Variants in SLC44A1 observed in about 807,000 individuals in gnomAD.
SLC44A1 encodes the protein solute carrier family 44 member 1.
SLC44A1 carries 26 observed loss-of-function variants against 79.3 expected under a neutral mutation model. The observed-to-expected ratio is 0.33, with a 90% confidence interval of 0.24 to 0.46. SLC44A1 has a LOEUF of 0.46. SLC44A1 is among the 20% of genes least tolerant of loss of function. The pLI, the probability that SLC44A1 is intolerant of heterozygous loss-of-function variation, is 1.00. For synonymous variants in SLC44A1, 263 were observed against 286.2 expected, an observed-to-expected ratio of 0.92 and a Z score of 0.82; for missense variants, 688 against 798.1, an observed-to-expected ratio of 0.86 and a Z score of 1.66.
intron 2 of SLC44A1, among the ~76,000 whole-genome samples, chr9:105,306,257 T>C (rs915616827): frequency 6.6e-6 from 1 of 152,192 alleles, no homozygotes; most frequent in African/African-American, 2.4e-5. Flanking sequence ...GCTTCATTAA[T>C]GTGATTTTTC....
intron 7 of SLC44A1, 93 bp from the exon 8 acceptor site, chr9:105,361,098 T>G: frequency 8.1e-7 from 1 of 1,228,726 alleles, no homozygotes; most frequent in Non-Finnish European, 1.2e-6. Context: ...AGTCCCATGA[T>G]GATCTGTAGG....
intron 3 of SLC44A1, among the ~76,000 whole-genome samples, chr9:105,325,667 A>G (rs757469343): frequency 3.3e-5 from 5 of 152,164 alleles, no homozygotes; most frequent in African/African-American, 9.7e-5. Flanking sequence ...TCATAATCCA[A>G]TCACCTCTTA....
chr9:105,426,777 G>A (rs1829327414), intron 15 of SLC44A1, among the ~76,000 whole-genome samples: 2 of 152,104 alleles, frequency 1.3e-5, no homozygotes, highest in Non-Finnish European at 2.9e-5. Context: ...TTATACACAG[G>A]TGAATTGAAT....
intron 3 of SLC44A1, among the ~76,000 whole-genome samples, chr9:105,324,179 G>T (rs1247961023): frequency 6.6e-6 from 1 of 150,626 alleles, no homozygotes; most frequent in East Asian, 2.0e-4. Flanking sequence ...TTTTTTGTAT[G>T]TGTTAGCCAG....
chr9:105,297,792 A>G (rs763118707), intron 1 of SLC44A1, among the ~76,000 whole-genome samples: 1 of 152,140 alleles, frequency 6.6e-6, no homozygotes, highest in Non-Finnish European at 1.5e-5. Flanking sequence ...GTTGCACTCT[A>G]TATATACTAA....
At chr9:105,293,130 C>A (rs1830641935) in intron 1 of SLC44A1, among the ~76,000 whole-genome samples, 1 of 152,124 alleles carries the variant, frequency 6.6e-6, no homozygotes, top group African/African-American at 2.4e-5. Context: ...GCACTCCAGC[C>A]TGGGTGAGTG....
intron 1 of SLC44A1, among the ~76,000 whole-genome samples, chr9:105,246,566 T>A (rs1186343351): frequency 6.6e-6 from 1 of 152,178 alleles, no homozygotes. Flanking sequence ...AGGTGTAGAA[T>A]TGCACATAAC....
In SLC44A1 at chr9:105,396,220, G is replaced by C. The variant is rs1312662865; in HGVS notation, c.*7164G>C. On this transcript the variant is annotated 3_prime_UTR_variant, in exon 16 of 16. Coordinates refer to ENST00000374720, the MANE Select transcript of SLC44A1 (RefSeq NM_080546.5). ...TGAGAGCTCCATAATGAAAGAAGTTGTTATACTTTCTCAGAATATTCTGGA... is the reference window on the plus strand; with the variant it reads ...TGAGAGCTCCATAATGAAAGAAGTTCTTATACTTTCTCAGAATATTCTGGA... The C allele has an allele frequency of 3.0e-6, 3 of 984,904 alleles. No individual in the cohort carries two copies. Among genetic ancestry groups the C allele is most frequent in the African/African-American group, 1.7e-5 (1 of 57,208 alleles). The allele number at this position is 984,904 out of a possible 1,614,324, so 61.0% of individuals were successfully genotyped here.
chr9:105,306,534 A>T, intron 2 of SLC44A1, among the ~76,000 whole-genome samples: 1 of 150,776 alleles, frequency 6.6e-6, no homozygotes, highest in African/African-American at 2.4e-5. Flanking sequence ...CCATCTTATT[A>T]GCTTATTATT....
Position 105,396,046 on chromosome 9 carries a change from G to A in SLC44A1, c.*6990G>A, listed in dbSNP as rs907494036. The A allele has an allele frequency of 2.0e-6, 2 of 985,274 alleles. No individual in the cohort carries two copies. The highest frequency in any genetic ancestry group is 3.5e-5 in the African/African-American group (2 of 57,310). 61.0% of individuals were successfully genotyped at this position (985,274 alleles called of 1,614,324 possible). On this transcript the variant is annotated 3_prime_UTR_variant, in exon 16 of 16. Coordinates refer to ENST00000374720, the MANE Select transcript of SLC44A1 (RefSeq NM_080546.5). ...TTCCTGTAGTCTGTGCTCAGAACTT[G>A]GTTTTTGGCCCCTATTGTTTTTGCC...
chr9:105,419,852 A>T (rs557573121), intron 15 of SLC44A1, among the ~76,000 whole-genome samples: 5 of 147,434 alleles, frequency 3.4e-5, no homozygotes, highest in African/African-American at 1.3e-4. Flanking sequence ...AGTCAGAGGT[A>T]GCAGTGAGCC....
intron 4 of SLC44A1, among the ~76,000 whole-genome samples, chr9:105,345,975 T>G (rs1380159603): frequency 6.7e-6 from 1 of 150,350 alleles, no homozygotes; most frequent in East Asian, 1.9e-4. Flanking sequence ...GTGCTAAGTA[T>G]TTTTTATACT....
At chr9:105,336,035 A>G (rs1158243658) in intron 4 of SLC44A1, among the ~76,000 whole-genome samples, 4 of 152,082 alleles carry the variant, frequency 2.6e-5, no homozygotes, top group African/African-American at 9.7e-5. Context: ...CCCCCTTCCC[A>G]AGTATTGGTT....
At chr9:105,399,370 C>A (rs534465239), downstream of SLC44A1, among the ~76,000 whole-genome samples, 47 of 152,324 alleles carry the variant, frequency 3.1e-4, no homozygotes, top group Non-Finnish European at 6.0e-4. Flanking sequence ...CAGTCAATCT[C>A]AGGTTGCATC....
chr9:105,363,644 T>C (rs1383648077), intron 9 of SLC44A1, among the ~76,000 whole-genome samples: 1 of 151,972 alleles, frequency 6.6e-6, no homozygotes, highest in African/African-American at 2.4e-5. Context: ...TTTGTATCTT[T>C]AGTAGAGACA....
At chr9:105,315,276 T>G (rs1379967644) in intron 3 of SLC44A1, among the ~76,000 whole-genome samples, 10 of 151,598 alleles carry the variant, frequency 6.6e-5, no homozygotes, top group African/African-American at 1.5e-4. Context: ...TGTTTGTTTT[T>G]TTTTTTTTTT....
chr9:105,369,660 C>G, intron 12 of SLC44A1, among the ~76,000 whole-genome samples: 1 of 152,176 alleles, frequency 6.6e-6, no homozygotes, highest in African/African-American at 2.4e-5. Context: ...TGCACATACC[C>G]TATATTCCCT....
In SLC44A1 at chr9:105,413,486, A is replaced by G. The variant is rs77039939; in HGVS notation, c.1951-24795A>G. Among the ~76,000 whole-genome samples, 1,115 of 152,324 alleles carry G rather than the reference A, an allele frequency of 7.3e-3. 19 individuals are homozygous for G. The highest frequency in any genetic ancestry group is 0.025 in the African/African-American group (1,044 of 41,560). On this transcript the variant is annotated intron_variant, in intron 15 of 15. Coordinates refer to the SLC44A1 transcript ENST00000374724. ...GATCCTACTTGAAAGAACAAAAGAC[A>G]TATTACAAACACCAACAGAACCACA...
intron 15 of SLC44A1, among the ~76,000 whole-genome samples, chr9:105,432,174 A>G (rs1354842122): frequency 1.3e-5 from 2 of 152,144 alleles, no homozygotes; most frequent in African/African-American, 2.4e-5. Flanking sequence ...TGCCCACCTC[A>G]GGCTCTCAAA....
Sources: allele counts gnomAD v4.1 joint callset (sites outside exome capture counted in the v4.1 genomes callset), GRCh38; gene constraint gnomAD v4.1.1; transcripts MANE v1.5; gene names NCBI Gene and HGNC (gene_info 2026-07-23, HGNC 2026-07-21).